The following PTER variants were observed in gnomAD, a reference collection of about 807,000 sequenced individuals.
The protein encoded by PTER is phosphotriesterase related, also known as N-acetyltaurine hydrolase.
Under a neutral mutation model 29.6 loss-of-function variants are expected in PTER, and 38 were observed. The observed-to-expected ratio is 1.28, with a 90% CI of 0.99 to 1.68. The LOEUF (loss-of-function observed/expected upper bound fraction) is 1.68. Among genes scored for constraint, PTER ranks in the 40% most tolerant of loss-of-function variants. The pLI is 0.00. For missense variants in PTER, 482 were observed against 427.8 expected, an observed-to-expected ratio of 1.13 and a Z score of -1.12; for synonymous variants, 172 against 154.5, an observed-to-expected ratio of 1.11 and a Z score of -0.84.
chr10:16,480,847 A>G (rs1412193213), intron 1 of PTER, among the ~76,000 whole-genome samples: 1 of 152,242 alleles, frequency 6.6e-6, no homozygotes, highest in African/African-American at 2.4e-5. Context: ...GAATTGTCTA[A>G]GTATTTTGTA....
intron 1 of PTER, among the ~76,000 whole-genome samples, chr10:16,448,724 G>A (rs769595382): frequency 1.3e-5 from 2 of 152,278 alleles, no homozygotes; most frequent in East Asian, 3.9e-4. Flanking sequence ...GTCATGGAAG[G>A]AAAAAGCGAT....
At position 16,486,632 on chromosome 10, in the gene PTER, T is replaced by G; in HGVS notation, c.698+15T>G. ...CACCTGGATAGGTAAGTAGGCTGTC[T>G]TACAAATGGATGCAAACTGCCATAT... is the stretch of plus-strand genomic sequence containing the variant. On this transcript the variant is annotated intron_variant, in intron 3 of 4. Coordinates refer to ENST00000535784, the MANE Select transcript of PTER (RefSeq NM_001261836.2). 6.3e-7 allele frequency: 1 copy of G among 1,593,220 alleles called. No homozygotes were observed. The highest frequency in any genetic ancestry group is 1.1e-5 in the South Asian group (1 of 88,604).
chr10:16,457,208 G>C (rs1346869123), intron 1 of PTER, among the ~76,000 whole-genome samples: 1 of 151,758 alleles, frequency 6.6e-6, no homozygotes, highest in Non-Finnish European at 1.5e-5. Context: ...TTGTTTGTTT[G>C]TTTGTTTGTT....
intron 1 of PTER, among the ~76,000 whole-genome samples, chr10:16,481,559 G>A (rs1304652954): frequency 1.3e-5 from 2 of 152,166 alleles, no homozygotes; most frequent in South Asian, 2.1e-4. Context: ...TTGAGTGGAG[G>A]TTACATTGTG....
At chr10:16,462,167 G>T (rs1002569829) in intron 1 of PTER, among the ~76,000 whole-genome samples, 2 of 151,968 alleles carry the variant, frequency 1.3e-5, no homozygotes, top group African/African-American at 4.8e-5. Flanking sequence ...TGTATTTTTA[G>T]TACAGATGGG....
At chr10:16,441,039 T>A (rs765556616) in intron 1 of PTER, among the ~76,000 whole-genome samples, 37 of 152,188 alleles carry the variant, frequency 2.4e-4, no homozygotes, top group Non-Finnish European at 8.8e-5. Context: ...CCCATCATGC[T>A]CCAGTCTGCT....
At chr10:16,504,147 G>A (rs940204904) in intron 3 of PTER, among the ~76,000 whole-genome samples, 1 of 150,834 alleles carries the variant, frequency 6.6e-6, no homozygotes, top group African/African-American at 2.4e-5. Context: ...TTCCTTCTTA[G>A]CTCTCTGTGT....
rs150822115 is a variant in PTER at position 16,458,065 on chromosome 10, T to C, written c.-49+21018T>C. 1.6e-4 allele frequency among the ~76,000 whole-genome samples: 25 copies of C among 152,320 alleles called. No individual in the cohort carries two copies. In the East Asian group the frequency reaches 4.6e-3, roughly 28 times the overall value. On this transcript the variant is annotated intron_variant, in intron 1 of 4. Coordinates refer to ENST00000535784, the MANE Select transcript of PTER (RefSeq NM_001261836.2). Reference sequence around the variant, plus strand: ...GTAGAGAGGGTCTGACCCAATTTATTAGTGTTGTATGAACTGTCAGCAAAC... The same window carrying C: ...GTAGAGAGGGTCTGACCCAATTTATCAGTGTTGTATGAACTGTCAGCAAAC...
At chr10:16,464,726 C>T (rs1834745376) in intron 1 of PTER, among the ~76,000 whole-genome samples, 1 of 152,230 alleles carries the variant, frequency 6.6e-6, no homozygotes, top group Admixed American at 6.5e-5. Flanking sequence ...AGGAAGCCTT[C>T]TCATTCCTCC....
intron 4 of PTER, 27 bp downstream of exon 4, chr10:16,505,187 A>G (rs1212531765): frequency 3.1e-6 from 5 of 1,611,252 alleles, no homozygotes; most frequent in Non-Finnish European, 4.2e-6. Context: ...CTCTCATAGC[A>G]TTCCCTTTCC....
At chr10:16,518,426 G>T (rs1836986309), downstream of PTER, among the ~76,000 whole-genome samples, 1 of 152,144 alleles carries the variant, frequency 6.6e-6, no homozygotes, top group Admixed American at 6.5e-5. Context: ...ACATTATAAG[G>T]TCAGCTGTTT....
intron 3 of PTER, among the ~76,000 whole-genome samples, chr10:16,489,304 A>AT (rs1204199387): frequency 6.6e-6 from 1 of 152,146 alleles, no homozygotes; most frequent in Non-Finnish European, 1.5e-5. Context: ...AATTTTGATC[A>AT]TTTATGTTCC....
chr10:16,489,051 A>G (rs1242843477), intron 3 of PTER, among the ~76,000 whole-genome samples: 5 of 152,158 alleles, frequency 3.3e-5, no homozygotes, highest in Non-Finnish European at 5.9e-5. Flanking sequence ...CACAAACTCC[A>G]ATTTGATATA....
intron 1 of PTER, among the ~76,000 whole-genome samples, chr10:16,449,090 G>C (rs537628964): frequency 6.6e-6 from 1 of 152,056 alleles, no homozygotes; most frequent in Non-Finnish European, 1.5e-5. Flanking sequence ...CCACCCCTGC[G>C]TCTTTCACGT....
chr10:16,504,171 C>T (rs898256954), intron 3 of PTER, among the ~76,000 whole-genome samples: 19 of 151,946 alleles, frequency 1.3e-4, no homozygotes, highest in African/African-American at 4.6e-4. Context: ...TGGATCTCTA[C>T]AGTGGTATTT....
chr10:16,494,486 T>G (rs1414005555), intron 3 of PTER, among the ~76,000 whole-genome samples: 2 of 152,242 alleles, frequency 1.3e-5, no homozygotes, highest in Non-Finnish European at 2.9e-5. Flanking sequence ...TGAATTATTT[T>G]ATTTTTCATT....
intron 1 of PTER, among the ~76,000 whole-genome samples, chr10:16,461,350 A>G (rs896527733): frequency 6.6e-6 from 1 of 151,788 alleles, no homozygotes; most frequent in Admixed American, 6.6e-5. Context: ...ATATATACAT[A>G]TGAGTTAATT....
At chr10:16,447,665 A>G (rs542062507) in intron 1 of PTER, among the ~76,000 whole-genome samples, 2 of 152,346 alleles carry the variant, frequency 1.3e-5, no homozygotes, top group East Asian at 3.9e-4. Context: ...GTAAGTGGCT[A>G]TACTATCTCT....
chr10:16,457,340 G>T (rs1016889789), intron 1 of PTER, among the ~76,000 whole-genome samples: 14 of 151,924 alleles, frequency 9.2e-5, no homozygotes, highest in Non-Finnish European at 1.5e-4. Context: ...AGCCTCCCGA[G>T]TAGCTGGGAC....
Sources: gnomAD v4.1 joint callset for allele counts (sites outside exome capture counted in the v4.1 genomes callset) on GRCh38, gnomAD v4.1.1 for gene constraint, MANE v1.5 for transcripts, NCBI Gene and HGNC (gene_info 2026-07-23, HGNC 2026-07-21) for gene names.